The following TYW1B variants were observed in gnomAD, a reference collection of about 807,000 sequenced individuals.
TYW1B encodes the protein tRNA-yW synthesizing protein 1 homolog B, also known as S-adenosyl-L-methionine-dependent tRNA 4-demethylwyosine synthase TYW1B.
In TYW1B, 73 loss-of-function variants were observed where a neutral mutation model predicts 86.9. The ratio of observed to expected loss-of-function variants is 0.84; its 90% CI spans 0.70 to 1.02. The LOEUF (loss-of-function observed/expected upper bound fraction) is 1.02, where lower values mean the gene tolerates loss of function less well. Among genes scored for constraint, TYW1B ranks in the 50% least tolerant of loss-of-function variants. TYW1B has a pLI of 0.00. For missense variants in TYW1B, 637 were observed against 827.4 expected (o/e 0.77, Z 2.82); for synonymous variants, 248 against 292.8 (o/e 0.85, Z 1.56).
chr7:72,663,448 ACCT>A (rs1813382829), intron 11 of TYW1B, among the ~76,000 whole-genome samples: 1 of 151,968 alleles, frequency 6.6e-6, no homozygotes, highest in Non-Finnish European at 1.5e-5. Context: ...GATCTATGTG[ACCT>A]AAAACAAATA....
chr7:72,776,556 CAAAAAAAAA>C (rs67553013), intron 7 of TYW1B, among the ~76,000 whole-genome samples: 7 of 45,246 alleles, frequency 1.5e-4, no homozygotes, highest in South Asian at 1.3e-3. Flanking sequence ...GACTCTGTCT[CAAAAAAAAA>C]AAAAAAAAAA....
At chr7:72,793,973 C>T (rs148945705) in intron 6 of TYW1B, among the ~76,000 whole-genome samples, 148 of 152,228 alleles carry the variant, frequency 9.7e-4, no homozygotes, top group African/African-American at 5.5e-4. Context: ...AAAGAAGTTG[C>T]GCTGTATCCC....
chr7:72,632,410 TAC>T (rs1383536202), intron 11 of TYW1B, among the ~76,000 whole-genome samples: 11 of 104,572 alleles, frequency 1.1e-4, no homozygotes, highest in African/African-American at 5.1e-4. Flanking sequence ...AATATATATA[TAC>T]ATATATATAT....
chr7:72,810,272 T>C (rs556531089), intron 4 of TYW1B, among the ~76,000 whole-genome samples, 199 bp downstream of exon 4: 5 of 152,318 alleles, frequency 3.3e-5, no homozygotes, highest in Non-Finnish European at 5.9e-5. Flanking sequence ...AGCAAAACTC[T>C]ATCTCAATCA....
intron 11 of TYW1B, among the ~76,000 whole-genome samples, chr7:72,677,319 T>A (rs1554447631): frequency 1.3e-5 from 2 of 152,038 alleles, no homozygotes. Context: ...GGTTGATTTT[T>A]TTTTTTTTGG....
intron 6 of TYW1B, among the ~76,000 whole-genome samples, chr7:72,778,578 T>C (rs1342013601): frequency 6.6e-6 from 1 of 152,162 alleles, no homozygotes; most frequent in Non-Finnish European, 1.5e-5. Flanking sequence ...GCCTCCCAAG[T>C]AGCTGGGACT....
At position 72,811,919 on chromosome 7, in the gene TYW1B, C is replaced by CA. The variant is rs66698234; in HGVS notation, c.238-1255dup. ...GGGCAACGAAGCGAAGACTCCATCT[C>CA]AAAAAAAAAAAAAAAAGGAAAAGAA... On this transcript the variant is annotated intron_variant, in intron 3 of 13. Coordinates refer to ENST00000620995, the MANE Select transcript of TYW1B (RefSeq NM_001145440.3). Among the ~76,000 whole-genome samples, 93 of 108,556 alleles carry CA rather than the reference C, an allele frequency of 8.6e-4. 1 individual carries two copies. Among genetic ancestry groups the CA allele is most frequent in the African/African-American group, 1.2e-3 (35 of 28,804 alleles). The allele number at this position is 108,556 out of a possible 152,430, so 71.2% of individuals were successfully genotyped here. A position where few individuals can be genotyped will look rare whatever the true frequency, so the allele number is the denominator to read the frequency against.
At chr7:72,671,904 A>G (rs1351827962) in intron 11 of TYW1B, among the ~76,000 whole-genome samples, 1 of 151,964 alleles carries the variant, frequency 6.6e-6, no homozygotes, top group Non-Finnish European at 1.5e-5. Flanking sequence ...GTAAGTGAGA[A>G]AAATTCAAGG....
intron 11 of TYW1B, among the ~76,000 whole-genome samples, chr7:72,636,672 C>T (rs1370670270): frequency 7.2e-5 from 11 of 152,174 alleles, no homozygotes; most frequent in African/African-American, 2.7e-4. Flanking sequence ...CATCTATTAA[C>T]CTTATCCTAC....
intron 11 of TYW1B, among the ~76,000 whole-genome samples, chr7:72,690,713 ATAGTAATC>A (rs1474524096): frequency 6.6e-6 from 1 of 152,222 alleles, no homozygotes; most frequent in Non-Finnish European, 1.5e-5. Flanking sequence ...ACTCTTATTT[ATAGTAATC>A]TGGTATCATT....
At chr7:72,698,842 G>A (rs1202000182) in intron 10 of TYW1B, among the ~76,000 whole-genome samples, 6 of 152,218 alleles carry the variant, frequency 3.9e-5, no homozygotes, top group South Asian at 2.1e-4. Flanking sequence ...AAGAGAATAC[G>A]GATGATCTGT....
At chr7:72,654,104 A>T (rs1226047610) in intron 11 of TYW1B, among the ~76,000 whole-genome samples, 8 of 147,102 alleles carry the variant, frequency 5.4e-5, no homozygotes, top group Non-Finnish European at 9.1e-5. Flanking sequence ...AAAAAAAAAA[A>T]TCCTCAGCAA....
intron 7 of TYW1B, among the ~76,000 whole-genome samples, chr7:72,768,095 CA>C (rs1386507834): frequency 5.3e-5 from 8 of 151,660 alleles, no homozygotes; most frequent in Non-Finnish European, 1.2e-4. Flanking sequence ...ACAAAAAATA[CA>C]AAAAAAACTT....
At chr7:72,698,645 C>CAAAAAAA (rs782639827) in intron 10 of TYW1B, among the ~76,000 whole-genome samples, 1 of 129,884 alleles carries the variant, frequency 7.7e-6, no homozygotes. Flanking sequence ...GACTCCATCT[C>CAAAAAAA]AAAAAAAAAA....
chr7:72,639,557 T>C (rs1812753719), intron 11 of TYW1B, among the ~76,000 whole-genome samples: 1 of 152,094 alleles, frequency 6.6e-6, no homozygotes, highest in South Asian at 2.1e-4. Flanking sequence ...ATACCGACTG[T>C]ATGAAACAAG....
chr7:72,650,819 T>C lies in TYW1B; in HGVS notation c.1507-21822A>G, dbSNP rs372249381. On this transcript the variant is annotated intron_variant, in intron 11 of 13. Coordinates refer to ENST00000620995, the MANE Select transcript of TYW1B (RefSeq NM_001145440.3). ...GCCAACCTAATCTACAATTAGAACA[T>C]AGGCTTTAGTGGAAGAAAATTAAAG... is the stretch of plus-strand genomic sequence containing the variant. Among the ~76,000 whole-genome samples the C allele has an allele frequency of 1.8e-4, 27 of 152,218 alleles. 1 individual carries two copies. Among genetic ancestry groups the C allele is most frequent in the African/African-American group, 5.8e-4 (24 of 41,548 alleles).
intron 11 of TYW1B, among the ~76,000 whole-genome samples, chr7:72,630,819 T>C (rs1170808610): frequency 6.6e-6 from 1 of 152,178 alleles, no homozygotes; most frequent in Non-Finnish European, 1.5e-5. Context: ...CTTTACATAC[T>C]TATAATCCTT....
At chr7:72,794,262 A>T (rs1206785588) in intron 6 of TYW1B, among the ~76,000 whole-genome samples, 1 of 152,162 alleles carries the variant, frequency 6.6e-6, no homozygotes, top group Non-Finnish European at 1.5e-5. Flanking sequence ...AGCAGCCATC[A>T]GTATACTTCT....
intron 9 of TYW1B, among the ~76,000 whole-genome samples, chr7:72,720,371 G>C (rs188949591): frequency 8.9e-4 from 136 of 152,264 alleles, no homozygotes; most frequent in African/African-American, 3.1e-3. Context: ...GGGAGGACAG[G>C]AGGAAACCTA....
Sources: allele counts gnomAD v4.1 joint callset (sites outside exome capture counted in the v4.1 genomes callset), GRCh38; gene constraint gnomAD v4.1.1; transcripts MANE v1.5; gene names NCBI Gene and HGNC (gene_info 2026-07-23, HGNC 2026-07-21).